The following CFAP61 variants were observed in gnomAD, a reference collection of about 807,000 sequenced individuals.
The protein encoded by CFAP61 is cilia- and flagella-associated protein 61.
CFAP61 carries 107 observed loss-of-function variants against 135.6 expected under a neutral mutation model. The observed-to-expected ratio is 0.79, with a 90% CI of 0.67 to 0.93. The LOEUF is 0.93. Among genes scored for constraint, CFAP61 ranks in the 40% least tolerant of loss-of-function variants. CFAP61 has a pLI of 0.00. For synonymous variants in CFAP61, 575 were observed against 578.5 expected, an observed-to-expected ratio of 0.99 and a Z score of 0.09; for missense variants, 1,507 against 1,556.2, an observed-to-expected ratio of 0.97 and a Z score of 0.53.
At chr20:20,127,033 C>T (rs1271560981) in intron 8 of CFAP61, among the ~76,000 whole-genome samples, 1 of 151,474 alleles carries the variant, frequency 6.6e-6, no homozygotes, top group Non-Finnish European at 1.5e-5. Context: ...GAGCATTTTG[C>T]ATTTCTATAA....
chr20:20,357,750 AGT>A (rs1383218476), intron 26 of CFAP61, among the ~76,000 whole-genome samples: 1 of 17,364 alleles, frequency 5.8e-5, no homozygotes, highest in Non-Finnish European at 1.6e-4. Context: ...AGGTGGTCAC[AGT>A]GTGAGGGGAG....
At chr20:20,083,066 C>A (rs1178044630) in intron 6 of CFAP61, among the ~76,000 whole-genome samples, 1 of 152,144 alleles carries the variant, frequency 6.6e-6, no homozygotes, top group Non-Finnish European at 1.5e-5. Flanking sequence ...GCACAATTTA[C>A]AATTGCAAGG....
intron 26 of CFAP61, among the ~76,000 whole-genome samples, chr20:20,352,718 C>T (rs1248606545): frequency 6.6e-6 from 1 of 152,078 alleles, no homozygotes; most frequent in Non-Finnish European, 1.5e-5. Context: ...AACATAAGAC[C>T]GGAAACTGTA....
intron 18 of CFAP61, among the ~76,000 whole-genome samples, chr20:20,245,633 T>G (rs1003349164): frequency 6.6e-6 from 1 of 152,168 alleles, no homozygotes; most frequent in South Asian, 2.1e-4. Flanking sequence ...AATTACTTGC[T>G]TCAGTTCCAC....
chr20:20,079,752 A>G (rs1188249829), intron 6 of CFAP61, among the ~76,000 whole-genome samples: 1 of 152,232 alleles, frequency 6.6e-6, no homozygotes, highest in Admixed American at 6.5e-5. Context: ...TAGCTAAATA[A>G]TCCTCTCTTT....
chr20:20,324,631 C>T (rs1010991648), intron 25 of CFAP61, among the ~76,000 whole-genome samples: 2 of 152,208 alleles, frequency 1.3e-5, no homozygotes, highest in Non-Finnish European at 2.9e-5. Flanking sequence ...TATACATTTA[C>T]ATTTTGATCA....
chr20:20,296,015 T>C (rs1277173165), intron 24 of CFAP61, among the ~76,000 whole-genome samples: 2 of 35,024 alleles, frequency 5.7e-5, no homozygotes, highest in African/African-American at 9.9e-5. Context: ...CCTTCCCTCC[T>C]TTCCTTCCTT....
chr20:20,129,544 TTG>T (rs941427169), intron 8 of CFAP61, among the ~76,000 whole-genome samples: 1 of 151,644 alleles, frequency 6.6e-6, no homozygotes, highest in African/African-American at 2.4e-5. Flanking sequence ...GGAGTCTTAT[TTG>T]AGTCACATCT....
intron 25 of CFAP61, among the ~76,000 whole-genome samples, chr20:20,301,407 T>C (rs1490965637): frequency 6.6e-6 from 1 of 152,210 alleles, no homozygotes; most frequent in African/African-American, 2.4e-5. Flanking sequence ...CACTCTAGGA[T>C]GGTTGCCAAC....
rs188317423 is a variant in CFAP61, at chr20:20,211,043, G to A, written c.1932+11141G>A. Among the ~76,000 whole-genome samples, 15 of 152,274 alleles carry A rather than the reference G, an allele frequency of 9.9e-5. No homozygotes were observed. In the East Asian group the frequency reaches 1.3e-3, roughly 14 times the overall value. ...GGAAAAACAACCGAGAACCTAGAGA[G>A]GTTTTACATTCAAATTAAACTGAGA... On this transcript the variant is annotated intron_variant, in intron 17 of 26. Coordinates refer to ENST00000245957, the MANE Select transcript of CFAP61 (RefSeq NM_015585.4).
At chr20:20,150,714 T>C (rs1352750289) in intron 9 of CFAP61, among the ~76,000 whole-genome samples, 2 of 152,186 alleles carry the variant, frequency 1.3e-5, no homozygotes. Flanking sequence ...GACCTGAAGA[T>C]AGATTGTATC....
intron 26 of CFAP61, among the ~76,000 whole-genome samples, chr20:20,351,729 A>G (rs1345951038): frequency 3.9e-5 from 6 of 152,178 alleles, no homozygotes; most frequent in Non-Finnish European, 8.8e-5. Context: ...AACATTGATG[A>G]AAAAAATTGA....
chr20:20,165,733 A>C (rs572999586), intron 11 of CFAP61, among the ~76,000 whole-genome samples: 27 of 152,272 alleles, frequency 1.8e-4, no homozygotes, highest in Non-Finnish European at 3.4e-4. Flanking sequence ...GTTCCTCTTC[A>C]GAGGATCTGT....
intron 8 of CFAP61, among the ~76,000 whole-genome samples, chr20:20,121,523 C>A (rs1361769059): frequency 6.6e-6 from 1 of 152,072 alleles, no homozygotes; most frequent in Non-Finnish European, 1.5e-5. Flanking sequence ...GAGACAGGGT[C>A]TTGCTCTGTC....
intron 6 of CFAP61, among the ~76,000 whole-genome samples, chr20:20,080,959 G>T (rs2046390747): frequency 6.6e-6 from 1 of 151,756 alleles, no homozygotes; most frequent in Non-Finnish European, 1.5e-5. Context: ...CCGAGATTGT[G>T]CCATTGTACT....
At chr20:20,060,766 A>G (rs992344499) in intron 2 of CFAP61, among the ~76,000 whole-genome samples, 3 of 152,224 alleles carry the variant, frequency 2.0e-5, no homozygotes, top group Admixed American at 2.0e-4. Context: ...AAGTCTTGCA[A>G]CTTCCACTGG....
chr20:20,085,174 C>T (rs906725103), intron 6 of CFAP61: 109 of 985,342 alleles, frequency 1.1e-4, no homozygotes, highest in Non-Finnish European at 1.3e-4. Context: ...GGGCATGTGA[C>T]GCTGCGGTGC....
At chr20:20,105,468 C>T (rs1179064474) in intron 8 of CFAP61, among the ~76,000 whole-genome samples, 2 of 152,108 alleles carry the variant, frequency 1.3e-5, no homozygotes, top group African/African-American at 2.4e-5. Flanking sequence ...CTCCCTCCTC[C>T]CCTTTTCTTT....
chr20:20,130,738 A>G (rs2050457452), intron 8 of CFAP61, among the ~76,000 whole-genome samples: 1 of 151,756 alleles, frequency 6.6e-6, no homozygotes, highest in Non-Finnish European at 1.5e-5. Context: ...AAGGCTAGCT[A>G]GGGGTTCATG....
Sources: allele counts gnomAD v4.1 joint callset (sites outside exome capture counted in the v4.1 genomes callset), GRCh38; gene constraint gnomAD v4.1.1; transcripts MANE v1.5; gene names NCBI Gene and HGNC (gene_info 2026-07-23, HGNC 2026-07-21).